PSAP: variants seen among roughly 807,000 people sequenced by gnomAD.
PSAP encodes the protein precursor of saposins.
In PSAP, 25 loss-of-function variants were observed where a neutral mutation model predicts 66.0. The observed-to-expected ratio is 0.38, with a 90% CI of 0.28 to 0.53. The LOEUF is 0.53. PSAP is among the 20% of genes least tolerant of loss of function. The pLI, the probability that PSAP is intolerant of heterozygous loss-of-function variation, is 0.83. For missense variants in PSAP, 649 were observed against 668.8 expected (o/e 0.97, Z 0.33); for synonymous variants, 273 against 258.9 (o/e 1.05, Z -0.52).
intron 6 of PSAP, among the ~76,000 whole-genome samples, chr10:71,827,063 TG>T (rs1192701408): frequency 2.6e-5 from 4 of 152,276 alleles, no homozygotes; most frequent in African/African-American, 9.6e-5. Context: ...GGAGCACAGC[TG>T]GAATTCTCAG....
At chr10:71,840,830 T>C (rs1221766994) in intron 1 of PSAP, among the ~76,000 whole-genome samples, 1 of 152,134 alleles carries the variant, frequency 6.6e-6, no homozygotes, top group Admixed American at 6.6e-5. Context: ...CTCAGGGAAA[T>C]TACCTTGTGC....
At chr10:71,837,765 T>C (rs552121427) in intron 1 of PSAP, among the ~76,000 whole-genome samples, 18 of 152,306 alleles carry the variant, frequency 1.2e-4, no homozygotes, top group Admixed American at 9.8e-4. Flanking sequence ...GAAATTGGAA[T>C]TGGCACCTGC....
At position 71,817,402 on chromosome 10, in the gene PSAP, C is replaced by G; in HGVS notation, c.*39G>C. 1.2e-6 allele frequency: 2 copies of G among 1,610,598 alleles called. No homozygotes were observed. Among genetic ancestry groups the G allele is most frequent in the Non-Finnish European group, 1.7e-6 (2 of 1,176,744 alleles). On this transcript the variant is annotated 3_prime_UTR_variant, in exon 14 of 14. Coordinates refer to ENST00000394936, the MANE Select transcript of PSAP (RefSeq NM_002778.4). Reference sequence around the variant, plus strand: ...CCCAGACACACAAGTAGAAAAAAACCAATGCTGTGGTTTCTGCCAAGATGG... The same window carrying G: ...CCCAGACACACAAGTAGAAAAAAACGAATGCTGTGGTTTCTGCCAAGATGG...
intron 1 of PSAP, among the ~76,000 whole-genome samples, chr10:71,837,296 C>A (rs909815275): frequency 2.0e-5 from 3 of 152,234 alleles, no homozygotes; most frequent in African/African-American, 7.2e-5. Context: ...TCATAGACTG[C>A]GTGTCCTCAG....
Position 71,834,492 on chromosome 10 carries a change from C to G in PSAP, c.54G>C (p.Pro18=), listed in dbSNP as rs778317867. Reference sequence around the variant, plus strand: ...TGGTGCATTCTTTCAGTCCAAGGACCGGGCCGGCTAGAGCTAAAATGAAAA... The same window carrying G: ...TGGTGCATTCTTTCAGTCCAAGGACGGGGCCGGCTAGAGCTAAAATGAAAA... The part of the protein sequence containing the change: ...ASLLGAALAG[P]VLGLKECTRG... The change falls in exon 2 of 14, where the codon CCG becomes CCC. Residue 18 remains proline (P), a synonymous_variant. Coordinates refer to ENST00000394936, the MANE Select transcript of PSAP (RefSeq NM_002778.4). The G allele has an allele frequency of 6.2e-7, 1 of 1,613,970 alleles. No individual in the cohort carries two copies. Among genetic ancestry groups the G allele is most frequent in the Non-Finnish European group, 8.5e-7 (1 of 1,179,966 alleles).
At chr10:71,829,715 G>C (rs182031771) in intron 4 of PSAP, among the ~76,000 whole-genome samples, 2 of 152,046 alleles carry the variant, frequency 1.3e-5, no homozygotes, top group Non-Finnish European at 2.9e-5. Flanking sequence ...AAAGGAACAG[G>C]AGGCCAGGCG....
chr10:71,819,921 G>A lies in PSAP; in HGVS notation c.1006-21C>T, dbSNP rs56214505. On this transcript the variant is annotated intron_variant, in intron 9 of 13. Coordinates refer to ENST00000394936, the MANE Select transcript of PSAP (RefSeq NM_002778.4). ...TCTTTCTGAAACACACGAGAGGATCGTGTGAGAAGACGGGAGGCCGGACAA... is the reference window on the plus strand; with the variant it reads ...TCTTTCTGAAACACACGAGAGGATCATGTGAGAAGACGGGAGGCCGGACAA... 0.012 allele frequency: 18,655 copies of A among 1,607,398 alleles called. 148 individuals carry two copies. The highest frequency in any genetic ancestry group is 0.032 in the African/African-American group (2,430 of 74,944).
At chr10:71,846,504 C>A (rs10762484) in intron 1 of PSAP, among the ~76,000 whole-genome samples, 26,978 of 150,190 alleles carry the variant, frequency 0.18, 2,600 homozygotes, top group East Asian at 0.45. Flanking sequence ...GCAGACAGAT[C>A]ACTTGAGGTC....
chr10:71,831,820 C>G (rs769708479), intron 3 of PSAP, 26 bp downstream of exon 3: 1 of 1,611,476 alleles, frequency 6.2e-7, no homozygotes, highest in Admixed American at 1.7e-5. Context: ...GTGGCTCAAG[C>G]ACCATCCCCA....
intron 5 of PSAP, 58 bp from the exon 6 acceptor site, chr10:71,828,215 T>C: frequency 6.3e-7 from 1 of 1,589,638 alleles, no homozygotes; most frequent in Admixed American, 1.7e-5. Flanking sequence ...TAGGAAAACG[T>C]CCTTATATAC....
intron 8 of PSAP, 92 bp from the exon 9 acceptor site, chr10:71,820,427 G>C: frequency 9.2e-7 from 1 of 1,082,958 alleles, no homozygotes; most frequent in Non-Finnish European, 1.4e-6. Context: ...CAGAGACCAG[G>C]GTGGGTTAGC....
rs951110904 is a variant in PSAP at position 71,817,095 on chromosome 10, G to A, written c.*346C>T. The A allele has an allele frequency of 1.2e-4, 53 of 430,204 alleles. No individual in the cohort carries two copies. The East Asian group carries it at 2.6e-3, about 22-fold the overall frequency. The allele number at this position is 430,204 out of a possible 1,614,324, so 26.6% of individuals were successfully genotyped here. A position where few individuals can be genotyped will look rare whatever the true frequency, so the allele number is the denominator to read the frequency against. On this transcript the variant is annotated 3_prime_UTR_variant, in exon 14 of 14. Transcript: ENST00000394936. ...AAGCACATGTCAGGGCTCAGAACAA[G>A]GCCTCAACCAAGAGGGTTGATGGCC...
At chr10:71,832,010 T>C in intron 2 of PSAP, 90 bp from the exon 3 acceptor site, 2 of 1,275,894 alleles carry the variant, frequency 1.6e-6, no homozygotes, top group East Asian at 4.6e-5. Context: ...TTCGCTATTC[T>C]CTCTAACCAG....
At chr10:71,836,250 A>T (rs1297714131) in intron 1 of PSAP, among the ~76,000 whole-genome samples, 1 of 152,166 alleles carries the variant, frequency 6.6e-6, no homozygotes, top group East Asian at 1.9e-4. Context: ...CATGTGCCAG[A>T]TGCAAATCAG....
In PSAP at chr10:71,818,841, C is replaced by CT. The variant is rs1312994856; in HGVS notation, c.1432-118dup. ...GCTAGGATCACAGCTCCACCACGCT[C>CT]TTTCAGAACATCAGGGTTGCTGAGG... On this transcript the variant is annotated intron_variant, in intron 12 of 13. Coordinates refer to ENST00000394936, the MANE Select transcript of PSAP (RefSeq NM_002778.4). 3.8e-6 allele frequency: 4 copies of CT among 1,066,606 alleles called. No homozygotes were observed. The East Asian group carries it at 7.2e-5, about 19-fold the overall frequency. 66.1% of individuals were successfully genotyped at this position (1,066,606 alleles called of 1,614,324 possible).
At chr10:71,840,767 AG>A (rs1212930280) in intron 1 of PSAP, among the ~76,000 whole-genome samples, 1 of 152,098 alleles carries the variant, frequency 6.6e-6, no homozygotes. Flanking sequence ...TTTCCTTACA[AG>A]CCAGATGATT....
intron 8 of PSAP, among the ~76,000 whole-genome samples, chr10:71,821,500 G>A (rs917601710): frequency 7.2e-5 from 11 of 152,192 alleles, no homozygotes; most frequent in Non-Finnish European, 1.3e-4. Context: ...CGTACACTCT[G>A]AGGGGTGTGC....
Position 71,819,011 on chromosome 10 carries a change from C to T in PSAP, c.1431+20G>A. ...AGGTTACAGCTGCCCGAGAGGACCA[C>T]ACCACCCAGTGAGGCTCACCAAGCA... is the stretch of plus-strand genomic sequence containing the variant. On this transcript the variant is annotated intron_variant, in intron 12 of 13. Coordinates refer to ENST00000394936, the MANE Select transcript of PSAP (RefSeq NM_002778.4). 1.2e-6 allele frequency: 2 copies of T among 1,610,870 alleles called. No homozygotes were observed. The highest frequency in any genetic ancestry group is 1.7e-6 in the Non-Finnish European group (2 of 1,177,142).
intron 4 of PSAP, among the ~76,000 whole-genome samples, chr10:71,829,976 G>A (rs932670309): frequency 9.2e-5 from 14 of 152,092 alleles, no homozygotes; most frequent in Non-Finnish European, 1.5e-4. Context: ...CAGGCTGGGC[G>A]ACAGAGTGAG....
Sources: allele counts gnomAD v4.1 joint callset (sites outside exome capture counted in the v4.1 genomes callset), GRCh38; gene constraint gnomAD v4.1.1; transcripts MANE v1.5; gene names NCBI Gene and HGNC (gene_info 2026-07-23, HGNC 2026-07-21).